GRIK2: variants seen among roughly 807,000 people sequenced by gnomAD.
GRIK2 encodes the protein glutamate ionotropic receptor kainate type subunit 2.
GRIK2 carries 32 observed loss-of-function variants against 100.3 expected under a neutral mutation model. The observed-to-expected ratio is 0.32, with a 90% confidence interval of 0.24 to 0.43. GRIK2 has a LOEUF of 0.43. Ranked by LOEUF, GRIK2 falls within the 20% of genes least tolerant of loss-of-function variation. GRIK2 has a pLI of 1.00. For missense variants in GRIK2, 843 were observed against 1,114.9 expected (o/e 0.76, Z 3.47); for synonymous variants, 417 against 389.4 (o/e 1.07, Z -0.83).
At chr6:102,057,432 G>T (rs941469085) in intron 16 of GRIK2, among the ~76,000 whole-genome samples, 2 of 151,882 alleles carry the variant, frequency 1.3e-5, no homozygotes, top group Non-Finnish European at 2.9e-5. Context: ...GTGCTTCATT[G>T]TTATTACGAA....
chr6:101,666,571 A>G (rs1264414954), intron 4 of GRIK2, among the ~76,000 whole-genome samples: 1 of 152,220 alleles, frequency 6.6e-6, no homozygotes, highest in African/African-American at 2.4e-5. Context: ...TAGATAGGAC[A>G]TGGCAAAGGC....
intron 2 of GRIK2, among the ~76,000 whole-genome samples, chr6:101,466,755 T>A (rs1771670078): frequency 6.6e-6 from 1 of 152,156 alleles, no homozygotes; most frequent in South Asian, 2.1e-4. Flanking sequence ...AAAGCTCTGA[T>A]GTATTTTGAA....
At chr6:101,795,815 C>T (rs1223126178) in intron 7 of GRIK2, among the ~76,000 whole-genome samples, 1 of 152,066 alleles carries the variant, frequency 6.6e-6, no homozygotes, top group Non-Finnish European at 1.5e-5. Context: ...CTTAGTGTCC[C>T]CTGATGGGTG....
intron 16 of GRIK2, chr6:102,063,976 G>T (rs1242107469): frequency 1.3e-6 from 2 of 1,527,778 alleles, no homozygotes; most frequent in Non-Finnish European, 1.8e-6. Flanking sequence ...CTTCTATTTG[G>T]TTAGTGCCAC....
At chr6:101,984,244 T>G (rs368410684) in intron 14 of GRIK2, among the ~76,000 whole-genome samples, 1 of 151,716 alleles carries the variant, frequency 6.6e-6, no homozygotes. Context: ...TGGCCCATGT[T>G]CAATTTAAAT....
At chr6:101,908,922 T>G (rs2128464591) in intron 12 of GRIK2, among the ~76,000 whole-genome samples, 1 of 151,376 alleles carries the variant, frequency 6.6e-6, no homozygotes. Context: ...ACTGAGGCAC[T>G]GAGTGGTTGA....
rs554432810 is a variant in GRIK2, at chr6:101,460,251, G to A, written c.115+60859G>A. 9.9e-4 allele frequency among the ~76,000 whole-genome samples: 151 copies of A among 152,218 alleles called. 1 individual carries two copies. The highest frequency in any genetic ancestry group is 3.4e-3 in the African/African-American group (143 of 41,514). ...CAAATCTCTCAAGCAGTGTGTCATTGTATTTTCTCTGGGGCCATTTAGGTC... is the reference window on the plus strand; with the variant it reads ...CAAATCTCTCAAGCAGTGTGTCATTATATTTTCTCTGGGGCCATTTAGGTC... On this transcript the variant is annotated intron_variant, in intron 2 of 16. Coordinates refer to ENST00000369134, the MANE Select transcript of GRIK2 (RefSeq NM_021956.5).
At position 101,725,472 on chromosome 6, in the gene GRIK2, A is replaced by G. The variant is rs138087900; in HGVS notation, c.951+39119A>G. Among the ~76,000 whole-genome samples the G allele has an allele frequency of 3.3e-3, 506 of 152,174 alleles. 4 individuals carry two copies. Among genetic ancestry groups the G allele is most frequent in the African/African-American group, 0.01 (431 of 41,562 alleles). On this transcript the variant is annotated intron_variant, in intron 7 of 16. Transcript: ENST00000369134. Reference sequence around the variant, plus strand: ...TGTTTAGGAAATTTCTCAGGAAACGATAATTTAACCATCTGTATTTGCCTT... The same window carrying G: ...TGTTTAGGAAATTTCTCAGGAAACGGTAATTTAACCATCTGTATTTGCCTT...
chr6:101,457,622 G>A (rs563951485), intron 2 of GRIK2, among the ~76,000 whole-genome samples: 2 of 151,826 alleles, frequency 1.3e-5, no homozygotes, highest in Non-Finnish European at 1.5e-5. Context: ...ATAATCTATA[G>A]CCTATTGAAA....
intron 2 of GRIK2, among the ~76,000 whole-genome samples, chr6:101,518,517 T>C (rs1774705242): frequency 6.7e-6 from 1 of 150,292 alleles, no homozygotes; most frequent in African/African-American, 2.4e-5. Flanking sequence ...ATCAATTTTC[T>C]ATGTGAAACA....
intron 11 of GRIK2, among the ~76,000 whole-genome samples, chr6:101,869,971 G>A (rs970643248): frequency 1.3e-5 from 2 of 151,850 alleles, no homozygotes; most frequent in African/African-American, 4.8e-5. Context: ...AACTAAGCAG[G>A]CCCAATTTGG....
chr6:101,963,091 T>C (rs1008571175), intron 14 of GRIK2, among the ~76,000 whole-genome samples: 2 of 151,632 alleles, frequency 1.3e-5, no homozygotes, highest in African/African-American at 4.8e-5. Flanking sequence ...TGCCAATTAA[T>C]TTTTATCTTT....
chr6:102,022,874 G>A (rs1323151739), intron 14 of GRIK2, among the ~76,000 whole-genome samples: 1 of 151,456 alleles, frequency 6.6e-6, no homozygotes, highest in Non-Finnish European at 1.5e-5. Context: ...AGAGAGCCAT[G>A]TTTTCTATCT....
At chr6:101,442,799 A>G (rs1471882405) in intron 2 of GRIK2, among the ~76,000 whole-genome samples, 1 of 152,144 alleles carries the variant, frequency 6.6e-6, no homozygotes, top group Non-Finnish European at 1.5e-5. Context: ...ACTATTCACA[A>G]AAGTAGGGAG....
At chr6:101,536,868 A>G (rs1363700678) in intron 2 of GRIK2, among the ~76,000 whole-genome samples, 3 of 151,716 alleles carry the variant, frequency 2.0e-5, no homozygotes, top group African/African-American at 4.8e-5. Flanking sequence ...TCAATGTCCC[A>G]TTATTGCAAT....
At chr6:102,025,701 T>C (rs1013789909) in intron 14 of GRIK2, among the ~76,000 whole-genome samples, 2 of 151,262 alleles carry the variant, frequency 1.3e-5, no homozygotes, top group East Asian at 3.9e-4. Flanking sequence ...TAATTCTCAG[T>C]GTACTTGTAA....
At chr6:101,879,616 T>C (rs1355071714) in intron 11 of GRIK2, among the ~76,000 whole-genome samples, 1 of 151,874 alleles carries the variant, frequency 6.6e-6, no homozygotes, top group Non-Finnish European at 1.5e-5. Flanking sequence ...GCGACAATTA[T>C]ATCAATAATC....
intron 2 of GRIK2, among the ~76,000 whole-genome samples, chr6:101,592,619 A>G (rs1469058156): frequency 8.4e-6 from 1 of 119,270 alleles, no homozygotes; most frequent in Non-Finnish European, 1.8e-5. Flanking sequence ...ATATATATAT[A>G]TATATTGCTT....
chr6:101,777,710 A>G (rs1020703443), intron 7 of GRIK2, among the ~76,000 whole-genome samples: 4 of 152,114 alleles, frequency 2.6e-5, no homozygotes, highest in Admixed American at 2.6e-4. Context: ...CTGTACCTCA[A>G]ATGGGAATTC....
Sources: allele counts gnomAD v4.1 joint callset (sites outside exome capture counted in the v4.1 genomes callset), GRCh38; gene constraint gnomAD v4.1.1; transcripts MANE v1.5; gene names NCBI Gene and HGNC (gene_info 2026-07-23, HGNC 2026-07-21).